Variants in PPP1R21 observed in about 807,000 individuals in gnomAD.
PPP1R21 encodes the protein protein phosphatase 1 regulatory subunit 21.
PPP1R21 carries 85 observed loss-of-function variants against 112.8 expected under a neutral mutation model. The ratio of observed to expected loss-of-function variants is 0.75; its 90% CI spans 0.63 to 0.90. PPP1R21 has a LOEUF of 0.90. Among genes scored for constraint, PPP1R21 ranks in the 40% least tolerant of loss-of-function variants. The pLI is 0.00. For missense variants in PPP1R21, 1,199 were observed against 901.5 expected, an observed-to-expected ratio of 1.33 and a Z score of -4.23; for synonymous variants, 381 against 322.3, an observed-to-expected ratio of 1.18 and a Z score of -1.95.
chr2:48,505,141 A>G (rs1413705158), intron 17 of PPP1R21, among the ~76,000 whole-genome samples: 1 of 152,240 alleles, frequency 6.6e-6, no homozygotes, highest in Non-Finnish European at 1.5e-5. Flanking sequence ...TGAGCTTTCA[A>G]CTAGAGTGTT....
At chr2:48,449,761 G>T (rs1667396276) in intron 1 of PPP1R21, among the ~76,000 whole-genome samples, 1 of 151,396 alleles carries the variant, frequency 6.6e-6, no homozygotes, top group Non-Finnish European at 1.5e-5. Context: ...TTTAGAAATA[G>T]ATTTTTTTTT....
chr2:48,474,070 G>T (rs1426489421), intron 11 of PPP1R21, among the ~76,000 whole-genome samples: 1 of 152,114 alleles, frequency 6.6e-6, no homozygotes, highest in Non-Finnish European at 1.5e-5. Flanking sequence ...ATATTTTAAT[G>T]ATTTTTAACA....
At chr2:48,463,256 G>A (rs1668055736) in intron 7 of PPP1R21, among the ~76,000 whole-genome samples, 1 of 152,162 alleles carries the variant, frequency 6.6e-6, no homozygotes. Flanking sequence ...CAGTGATCAG[G>A]AGGCAGAGGG....
At position 48,491,222 on chromosome 2, in the gene PPP1R21, C is replaced by G. The variant is rs547047479; in HGVS notation, c.1599+52C>G. Reference sequence around the variant, plus strand: ...ATCAGAGGAAACATCAGGAGTCATTCTAGAGAATGGCAAGAGTTTTTCTGC... The same window carrying G: ...ATCAGAGGAAACATCAGGAGTCATTGTAGAGAATGGCAAGAGTTTTTCTGC... On this transcript the variant is annotated intron_variant, in intron 15 of 21. Transcript: ENST00000294952. 5 of 1,568,374 alleles carry G rather than the reference C, an allele frequency of 3.2e-6. No individual in the cohort carries two copies. The East Asian group carries it at 9.0e-5, about 28-fold the overall frequency.
chr2:48,493,130 C>G (rs1669648611), intron 15 of PPP1R21, among the ~76,000 whole-genome samples: 1 of 151,496 alleles, frequency 6.6e-6, no homozygotes. Flanking sequence ...CTCAGCTTCC[C>G]AAGTAGCTGG....
At chr2:48,488,855 T>C (rs892293738) in intron 14 of PPP1R21, among the ~76,000 whole-genome samples, 4 of 152,198 alleles carry the variant, frequency 2.6e-5, no homozygotes, top group Non-Finnish European at 5.9e-5. Context: ...GAAAGTGTAG[T>C]ATATTCATAT....
Position 48,511,586 on chromosome 2 carries a change from GGGCAGT to G in PPP1R21, c.2313+122_2313+127del, listed in dbSNP as rs573009892. On this transcript the variant is annotated intron_variant, in intron 21 of 21. Transcript: ENST00000294952. ...GATTTAAAGTGTTTGTAAGGGCCAG[GGGCAGT>G]GGCTTAAGCCTGTAATCCCAGTACT... The G allele has an allele frequency of 1.1e-4, 134 of 1,271,850 alleles. No individual in the cohort carries two copies. The African/African-American group carries it at 1.9e-3, about 18-fold the overall frequency. The allele number at this position is 1,271,850 out of a possible 1,614,324, so 78.8% of individuals were successfully genotyped here.
chr2:48,496,656 C>G (rs1334775270), intron 16 of PPP1R21, among the ~76,000 whole-genome samples: 1 of 152,136 alleles, frequency 6.6e-6, no homozygotes, highest in African/African-American at 2.4e-5. Context: ...TTAGTATAGA[C>G]AGGGTTTCGC....
chr2:48,464,093 C>T (rs1411582760), intron 7 of PPP1R21, among the ~76,000 whole-genome samples: 3 of 152,136 alleles, frequency 2.0e-5, no homozygotes, highest in South Asian at 2.1e-4. Flanking sequence ...TTAGCAAAAG[C>T]GTTGTTGAAA....
chr2:48,441,081 C>T (rs1429286300), intron 1 of PPP1R21, 71 bp downstream of exon 1: 6 of 1,104,464 alleles, frequency 5.4e-6, no homozygotes, highest in Non-Finnish European at 8.2e-6. Context: ...AGCGACTTGT[C>T]GGGACCTAGG....
At chr2:48,490,825 G>T (rs1247307562) in intron 14 of PPP1R21, among the ~76,000 whole-genome samples, 193 bp from the exon 15 acceptor site, 1 of 152,144 alleles carries the variant, frequency 6.6e-6, no homozygotes, top group Admixed American at 6.5e-5. Context: ...ATTTATACTG[G>T]TGTCCTCTTT....
intron 13 of PPP1R21, among the ~76,000 whole-genome samples, chr2:48,484,907 C>T (rs928149199): frequency 2.6e-5 from 4 of 152,190 alleles, no homozygotes; most frequent in African/African-American, 9.7e-5. Context: ...ACCTCAATTA[C>T]CATCAACCAA....
chr2:48,469,447 G>GCATATATATAT (rs1668382954), intron 9 of PPP1R21, among the ~76,000 whole-genome samples: 2 of 84,524 alleles, frequency 2.4e-5, no homozygotes, highest in African/African-American at 8.0e-5. Flanking sequence ...TATATATAGA[G>GCATATATATAT]AGAGCATATA....
At chr2:48,448,851 A>G (rs1667361308) in intron 1 of PPP1R21, among the ~76,000 whole-genome samples, 1 of 152,306 alleles carries the variant, frequency 6.6e-6, no homozygotes, top group African/African-American at 2.4e-5. Context: ...GCTTGAGGCT[A>G]TGTGGTTTCT....
rs1670805510 is a variant in PPP1R21 at position 48,514,891 on chromosome 2, T to G, written c.*147T>G. On this transcript the variant is annotated 3_prime_UTR_variant, in exon 22 of 22. Transcript: ENST00000294952. ...AAACTAGTCAGTGTTGGAAACGGCC[T>G]TGAAATATTTAAAACATATTTGTAA... The G allele has an allele frequency of 2.9e-6, 2 of 688,066 alleles. No individual in the cohort carries two copies. Among genetic ancestry groups the G allele is most frequent in the South Asian group, 3.9e-5 (2 of 51,854 alleles). The allele number at this position is 688,066 out of a possible 1,614,324, so 42.6% of individuals were successfully genotyped here.
rs568785365 is a variant in PPP1R21 at position 48,458,321 on chromosome 2, G to A, written c.375+94G>A. 17 of 741,808 alleles carry A rather than the reference G, an allele frequency of 2.3e-5. 1 individual carries two copies. The highest frequency in any genetic ancestry group is 1.4e-4 in the East Asian group (5 of 36,324). 46.0% of individuals were successfully genotyped at this position (741,808 alleles called of 1,614,324 possible). On this transcript the variant is annotated intron_variant, in intron 4 of 21. Transcript: ENST00000294952. Reference sequence around the variant, plus strand: ...TGCACATAGAGTGTTTTGTGTCTGCGTGGGTATTTTAATGTCTTCTATGGT... The same window carrying A: ...TGCACATAGAGTGTTTTGTGTCTGCATGGGTATTTTAATGTCTTCTATGGT...
In PPP1R21 at chr2:48,464,901, A is replaced by G. The variant is rs557600413; in HGVS notation, c.695-36A>G. ...TAAGTTATTTTCCAGTATATGTGAA[A>G]TGAGAGACTTAATGTACATTATTTT... On this transcript the variant is annotated intron_variant, in intron 7 of 21. Transcript: ENST00000294952. 2.0e-6 allele frequency: 3 copies of G among 1,513,240 alleles called. No individual in the cohort carries two copies. In the South Asian group the frequency reaches 3.6e-5, roughly 18 times the overall value. The allele number at this position is 1,513,240 out of a possible 1,614,324, so 93.7% of individuals were successfully genotyped here.
chr2:48,453,344 C>T (rs765645770), intron 2 of PPP1R21, among the ~76,000 whole-genome samples: 15 of 152,044 alleles, frequency 9.9e-5, no homozygotes, highest in Non-Finnish European at 1.9e-4. Context: ...AGTAAACATA[C>T]AGTTATTTTT....
intron 21 of PPP1R21, among the ~76,000 whole-genome samples, chr2:48,514,172 G>A (rs907404305): frequency 7.6e-6 from 1 of 131,678 alleles, no homozygotes; most frequent in African/African-American, 2.9e-5. Context: ...TGCAAGCTCC[G>A]CCTCCCGGGT....
Sources: allele counts gnomAD v4.1 joint callset (sites outside exome capture counted in the v4.1 genomes callset), GRCh38; gene constraint gnomAD v4.1.1; transcripts MANE v1.5; gene names NCBI Gene and HGNC (gene_info 2026-07-23, HGNC 2026-07-21).